The following SLC35G2 variants were observed in gnomAD, a reference collection of about 807,000 sequenced individuals.
The protein encoded by SLC35G2 is solute carrier family 35 member G2, also known as transmembrane protein 22.
A neutral mutation model predicts 27.2 loss-of-function variants in SLC35G2; 20 were observed. That is an observed-to-expected ratio of 0.74 (90% CI 0.52 to 1.07). SLC35G2 has a LOEUF of 1.07. Among genes scored for constraint, SLC35G2 ranks in the 50% least tolerant of loss-of-function variants. The pLI is 0.00. For synonymous variants in SLC35G2, 148 were observed against 165.3 expected (o/e 0.90, Z 0.80); for missense variants, 416 against 493.3 (o/e 0.84, Z 1.48).
intron 1 of SLC35G2, among the ~76,000 whole-genome samples, chr3:136,841,399 A>AT (rs1282035729): frequency 1.3e-5 from 2 of 152,120 alleles, no homozygotes; most frequent in African/African-American, 4.8e-5. Context: ...TTTGAGTCAG[A>AT]TATCAGTTCC....
chr3:136,827,619 T>C (rs1387738014), intron 1 of SLC35G2, among the ~76,000 whole-genome samples: 1 of 152,214 alleles, frequency 6.6e-6, no homozygotes, highest in Non-Finnish European at 1.5e-5. Context: ...GTCTTAGTAC[T>C]GCTTTCACTG....
At chr3:136,820,776 A>G (rs1164550496) in intron 1 of SLC35G2, among the ~76,000 whole-genome samples, 11 of 152,146 alleles carry the variant, frequency 7.2e-5, no homozygotes, top group Non-Finnish European at 1.6e-4. Flanking sequence ...TATTTTCATA[A>G]TCATCTGTTC....
chr3:136,819,611 A>G lies in SLC35G2; in HGVS notation c.-36A>G, dbSNP rs1936394918. ...GGCTGTTGCTTTCCTCTCGCCCAGT[A>G]GCCAACCCAAGCAAGGGGTGAGTCA... On this transcript the variant is annotated 5_prime_UTR_variant, in exon 1 of 2. The change abolishes the stop of an existing upstream ORF in the 5' untranslated region. Coordinates refer to ENST00000446465, the MANE Select transcript of SLC35G2 (RefSeq NM_025246.3). 2.0e-5 allele frequency: 3 copies of G among 152,272 alleles called. No homozygotes were observed. The highest frequency in any genetic ancestry group is 4.1e-4 in the South Asian group (2 of 4,832). The allele number at this position is 152,272 out of a possible 1,614,324, so 9.4% of individuals were successfully genotyped here. A position where few individuals can be genotyped will look rare whatever the true frequency, so the allele number is the denominator to read the frequency against.
intron 1 of SLC35G2, among the ~76,000 whole-genome samples, chr3:136,824,195 G>T (rs1182585785): frequency 2.0e-5 from 3 of 151,930 alleles, no homozygotes; most frequent in Non-Finnish European, 1.5e-5. Flanking sequence ...GATAACTTTG[G>T]CTATTCTGGG....
chr3:136,855,822 C>T lies in SLC35G2; in HGVS notation c.*123C>T, dbSNP rs1937999499. On this transcript the variant is annotated 3_prime_UTR_variant, in exon 2 of 2. Coordinates refer to ENST00000446465, the MANE Select transcript of SLC35G2 (RefSeq NM_025246.3). The stretch of plus-strand genomic sequence containing the variant: ...AGTGCTATAAAATATATAATATATA[C>T]AAATGCAGAAAATTTATTCTAGTCT... 1.5e-6 allele frequency: 1 copy of T among 687,666 alleles called. No individual in the cohort carries two copies. The highest frequency in any genetic ancestry group is 2.4e-6 in the Non-Finnish European group (1 of 414,724). The allele number at this position is 687,666 out of a possible 1,614,324, so 42.6% of individuals were successfully genotyped here.
intron 1 of SLC35G2, among the ~76,000 whole-genome samples, chr3:136,847,547 C>T (rs1477562870): frequency 6.6e-6 from 1 of 152,080 alleles, no homozygotes; most frequent in Non-Finnish European, 1.5e-5. Context: ...GGCTTCATTG[C>T]ACTCCAGCCT....
intron 1 of SLC35G2, among the ~76,000 whole-genome samples, chr3:136,832,076 C>A (rs1263941352): frequency 6.6e-6 from 1 of 151,748 alleles, no homozygotes; most frequent in African/African-American, 2.4e-5. Context: ...TGCAGTGGCA[C>A]GATCTCGGCT....
intron 1 of SLC35G2, among the ~76,000 whole-genome samples, chr3:136,853,548 T>C (rs901519468): frequency 1.3e-5 from 2 of 152,326 alleles, no homozygotes; most frequent in Non-Finnish European, 2.9e-5. Flanking sequence ...TTAATTCTAT[T>C]TTTGGATAAT....
intron 1 of SLC35G2, among the ~76,000 whole-genome samples, chr3:136,852,086 T>A (rs1937661374): frequency 2.0e-5 from 3 of 152,264 alleles, no homozygotes; most frequent in East Asian, 3.9e-4. Context: ...ATCACAGACA[T>A]AAATGAGGAC....
chr3:136,855,604 A>G lies in SLC35G2; in HGVS notation c.1144A>G (p.Met382Val). The G allele has an allele frequency of 6.2e-7, 1 of 1,614,070 alleles. No homozygotes were observed. The highest frequency in any genetic ancestry group is 8.5e-7 in the Non-Finnish European group (1 of 1,179,952). Residue 382 changes from methionine (M) to valine (V), a missense_variant, in exon 2 of 2, where the codon ATG (methionine) becomes GTG (valine). Coordinates refer to ENST00000446465, the MANE Select transcript of SLC35G2 (RefSeq NM_025246.3). Reference protein sequence around the residue: ...IYDVFGGVIIMISVFVLAGYK... With the variant: ...IYDVFGGVIIVISVFVLAGYK... ...TGATGTTTTTGGAGGGGTAATCATT[A>G]TGATTAGTGTTTTTGTCCTTGCTGG...
At chr3:136,836,241 C>A (rs1270088657) in intron 1 of SLC35G2, among the ~76,000 whole-genome samples, 1 of 152,162 alleles carries the variant, frequency 6.6e-6, no homozygotes, top group Non-Finnish European at 1.5e-5. Context: ...CTACAGGGTT[C>A]ATTCTAGTCT....
intron 1 of SLC35G2, among the ~76,000 whole-genome samples, chr3:136,830,829 G>A (rs1370703867): frequency 1.3e-5 from 2 of 152,022 alleles, no homozygotes; most frequent in Non-Finnish European, 2.9e-5. Flanking sequence ...CTGCTATTAA[G>A]AGACTCTAAT....
In SLC35G2 at chr3:136,854,570, G is replaced by T; in HGVS notation, c.110G>T (p.Gly37Val). The T allele has an allele frequency of 6.2e-7, 1 of 1,613,112 alleles. No homozygotes were observed. The highest frequency in any genetic ancestry group is 1.3e-5 in the African/African-American group (1 of 74,916). The change falls in exon 2 of 2, where the codon GGA becomes GTA. Residue 37 changes from glycine to valine, a missense_variant. Gly to Val is a moderately radical substitution (Grantham distance 109, BLOSUM62 -3). Transcript: ENST00000446465. ...CATTATCCCCAGCCTGGCGATGATG[G>T]ATATGAAGAAATCAATGAAGGCTAT... Reference protein sequence around the residue: ...TSHYPQPGDDGYEEINEGYGN... With the variant: ...TSHYPQPGDDVYEEINEGYGN...
At chr3:136,851,217 G>C (rs558243496) in intron 1 of SLC35G2, among the ~76,000 whole-genome samples, 1 of 151,906 alleles carries the variant, frequency 6.6e-6, no homozygotes, top group African/African-American at 2.4e-5. Flanking sequence ...AATGTTGGCC[G>C]GGCGCGGTGG....
intron 1 of SLC35G2, among the ~76,000 whole-genome samples, chr3:136,825,074 T>G (rs924382391): frequency 1.3e-5 from 2 of 152,150 alleles, no homozygotes; most frequent in African/African-American, 4.8e-5. Flanking sequence ...CCTGCAAACG[T>G]GGATGTCCTT....
chr3:136,828,539 A>G (rs1169249581), intron 1 of SLC35G2, among the ~76,000 whole-genome samples: 3 of 152,184 alleles, frequency 2.0e-5, no homozygotes, highest in Non-Finnish European at 4.4e-5. Flanking sequence ...TTTGTCTGAT[A>G]TTAGTATAAC....
intron 1 of SLC35G2, among the ~76,000 whole-genome samples, chr3:136,835,176 T>C (rs2108005786): frequency 6.6e-6 from 1 of 152,360 alleles, no homozygotes; most frequent in African/African-American, 2.4e-5. Context: ...TTTCTTACTT[T>C]TGGTCTAGAA....
At chr3:136,853,257 G>C (rs188849323) in intron 1 of SLC35G2, among the ~76,000 whole-genome samples, 1 of 151,950 alleles carries the variant, frequency 6.6e-6, no homozygotes, top group East Asian at 1.9e-4. Context: ...CACCAGGCCC[G>C]GCTAAATTTA....
chr3:136,828,244 C>CT (rs1238287711), intron 1 of SLC35G2, among the ~76,000 whole-genome samples: 1 of 152,206 alleles, frequency 6.6e-6, no homozygotes, highest in Non-Finnish European at 1.5e-5. Flanking sequence ...CTGTAAATAT[C>CT]TATTAGGTCC....
Sources: allele counts gnomAD v4.1 joint callset (sites outside exome capture counted in the v4.1 genomes callset), GRCh38; gene constraint gnomAD v4.1.1; transcripts MANE v1.5; gene names NCBI Gene and HGNC (gene_info 2026-07-23, HGNC 2026-07-21).